KLHL1: variants seen among roughly 807,000 people sequenced by gnomAD.
The protein encoded by KLHL1 is kelch-like protein 1.
In KLHL1, 47 loss-of-function variants were observed where a neutral mutation model predicts 77.7. The observed-to-expected ratio is 0.60, with a 90% CI of 0.48 to 0.77. The LOEUF is 0.77. Among genes scored for constraint, KLHL1 ranks in the 30% least tolerant of loss-of-function variants. KLHL1 has a pLI of 0.00. For synonymous variants in KLHL1, 360 were observed against 325.2 expected, an observed-to-expected ratio of 1.11 and a Z score of -1.15; for missense variants, 925 against 910.8, an observed-to-expected ratio of 1.02 and a Z score of -0.20.
chr13:69,831,073 A>C (rs1489131686), intron 6 of KLHL1, among the ~76,000 whole-genome samples: 1 of 148,870 alleles, frequency 6.7e-6, no homozygotes, highest in Non-Finnish European at 1.5e-5. Context: ...ACCCAAACCC[A>C]GTAGAAGAAA....
At chr13:70,023,598 T>C (rs1885856998) in intron 1 of KLHL1, among the ~76,000 whole-genome samples, 2 of 151,976 alleles carry the variant, frequency 1.3e-5, no homozygotes, top group Non-Finnish European at 2.9e-5. Flanking sequence ...TTGTTGTATC[T>C]GTTTGGACGC....
chr13:69,775,716 T>G lies in KLHL1; in HGVS notation c.1639+21022A>C, dbSNP rs115388743. On this transcript the variant is annotated intron_variant, in intron 7 of 10. Coordinates refer to ENST00000377844, the MANE Select transcript of KLHL1 (RefSeq NM_020866.3). ...GGGTTTTTTTTTGTTTTTGATACAG[T>G]GTCGTGCTCTGTCACTAGGACTGGA... Among the ~76,000 whole-genome samples, 1,303 of 152,068 alleles carry G rather than the reference T, an allele frequency of 8.6e-3. 9 individuals are homozygous for G. The highest frequency in any genetic ancestry group is 0.03 in the African/African-American group (1,239 of 41,478).
At chr13:69,882,596 T>C in intron 4 of KLHL1, 101 bp from the exon 5 acceptor site, 2 of 742,200 alleles carry the variant, frequency 2.7e-6, no homozygotes, top group Non-Finnish European at 4.5e-6. Flanking sequence ...TTTGTTCTTA[T>C]TATAACATAA....
In KLHL1 at chr13:69,766,208, A is replaced by G. The variant is rs564583346; in HGVS notation, c.1640-25652T>C. On this transcript the variant is annotated intron_variant, in intron 7 of 10. Transcript: ENST00000377844. ...TAAGATTTTAAATTTAGCTTGGAGGACACACACCATATGGAAAACAGCAAT... is the reference window on the plus strand; with the variant it reads ...TAAGATTTTAAATTTAGCTTGGAGGGCACACACCATATGGAAAACAGCAAT... Among the ~76,000 whole-genome samples, 3 of 152,284 alleles carry G rather than the reference A, an allele frequency of 2.0e-5. No homozygotes were observed. The South Asian group carries it at 6.2e-4, about 32-fold the overall frequency.
At chr13:69,841,369 T>A (rs968436608) in intron 5 of KLHL1, among the ~76,000 whole-genome samples, 14 of 151,632 alleles carry the variant, frequency 9.2e-5, no homozygotes, top group African/African-American at 2.7e-4. Context: ...TTGCAGGACA[T>A]GAAATCAATA....
intron 9 of KLHL1, among the ~76,000 whole-genome samples, chr13:69,718,934 G>A (rs1049761994): frequency 6.6e-5 from 10 of 151,802 alleles, no homozygotes; most frequent in African/African-American, 2.4e-4. Flanking sequence ...AGTTTGAAAG[G>A]GTAGTAAAAC....
At chr13:69,896,873 A>G (rs2067146428) in intron 4 of KLHL1, among the ~76,000 whole-genome samples, 2 of 151,892 alleles carry the variant, frequency 1.3e-5, no homozygotes. Flanking sequence ...GGGTTTCACC[A>G]TATTGGCCAG....
chr13:69,867,048 A>T (rs1042728109), intron 5 of KLHL1, among the ~76,000 whole-genome samples: 1 of 152,128 alleles, frequency 6.6e-6, no homozygotes, highest in Non-Finnish European at 1.5e-5. Context: ...AGCAAGAGAT[A>T]AACTGTAGAA....
At chr13:70,041,492 T>C (rs1291146512) in intron 1 of KLHL1, among the ~76,000 whole-genome samples, 1 of 152,176 alleles carries the variant, frequency 6.6e-6, no homozygotes, top group Non-Finnish European at 1.5e-5. Context: ...GGAAAGAGAC[T>C]CTTTGTTACT....
intron 1 of KLHL1, among the ~76,000 whole-genome samples, chr13:70,092,228 A>G (rs1374678234): frequency 6.6e-6 from 1 of 152,212 alleles, no homozygotes; most frequent in Non-Finnish European, 1.5e-5. Context: ...CAAATTTTAT[A>G]GTAACTGGGT....
intron 7 of KLHL1, among the ~76,000 whole-genome samples, chr13:69,750,573 A>G (rs538114998): frequency 9.2e-5 from 14 of 151,908 alleles, no homozygotes; most frequent in Non-Finnish European, 1.6e-4. Flanking sequence ...CAAAATATAT[A>G]AGCATATAAT....
At chr13:69,911,462 C>T (rs1228502436) in intron 4 of KLHL1, among the ~76,000 whole-genome samples, 4 of 151,122 alleles carry the variant, frequency 2.6e-5, no homozygotes, top group Non-Finnish European at 5.9e-5. Flanking sequence ...TTTAAGCAAG[C>T]TATTAGGGGT....
chr13:70,056,941 G>A (rs1886757461), intron 1 of KLHL1, among the ~76,000 whole-genome samples: 1 of 151,916 alleles, frequency 6.6e-6, no homozygotes, highest in Non-Finnish European at 1.5e-5. Context: ...CCCAAAATTA[G>A]TAGAGGAAAA....
chr13:69,862,134 A>G (rs1880192657), intron 5 of KLHL1, among the ~76,000 whole-genome samples: 1 of 152,148 alleles, frequency 6.6e-6, no homozygotes, highest in South Asian at 2.1e-4. Flanking sequence ...CATGAGTATC[A>G]CATGATAACA....
intron 6 of KLHL1, among the ~76,000 whole-genome samples, chr13:69,834,750 T>A (rs1404253559): frequency 6.6e-6 from 1 of 152,126 alleles, no homozygotes; most frequent in Non-Finnish European, 1.5e-5. Context: ...AGAGAATGTA[T>A]AACAGAAGAA....
At chr13:69,727,903 T>C (rs1030751179) in intron 8 of KLHL1, among the ~76,000 whole-genome samples, 2 of 152,048 alleles carry the variant, frequency 1.3e-5, no homozygotes, top group African/African-American at 4.8e-5. Flanking sequence ...AGTTACTATA[T>C]GATCTCTTTG....
At chr13:70,106,539 T>G (rs1478503275) in intron 1 of KLHL1, among the ~76,000 whole-genome samples, 2 of 152,180 alleles carry the variant, frequency 1.3e-5, no homozygotes, top group East Asian at 3.9e-4. Flanking sequence ...ATTTCAATAC[T>G]GAGCCAACAA....
intron 4 of KLHL1, among the ~76,000 whole-genome samples, chr13:69,911,658 T>C (rs1213497670): frequency 1.3e-5 from 2 of 151,960 alleles, no homozygotes; most frequent in East Asian, 1.9e-4. Flanking sequence ...GAATCTTCTG[T>C]GCACTAAGGA....
intron 7 of KLHL1, among the ~76,000 whole-genome samples, chr13:69,783,629 A>C (rs1425175775): frequency 6.8e-6 from 1 of 148,016 alleles, no homozygotes; most frequent in Non-Finnish European, 1.5e-5. Context: ...TTAGAGAAAA[A>C]AGAATAAAAA....
Sources: allele counts gnomAD v4.1 joint callset (sites outside exome capture counted in the v4.1 genomes callset), GRCh38; gene constraint gnomAD v4.1.1; transcripts MANE v1.5; gene names NCBI Gene and HGNC (gene_info 2026-07-23, HGNC 2026-07-21).